Variants in FRA10AC1 observed in about 807,000 individuals in gnomAD.
FRA10AC1 encodes the protein protein FRA10AC1.
In FRA10AC1, 43 loss-of-function variants were observed where a neutral mutation model predicts 56.5. That is an observed-to-expected ratio of 0.76 (90% CI 0.60 to 0.98). The LOEUF is 0.98. FRA10AC1 is among the 50% of genes least tolerant of loss of function. The pLI is 0.00. For missense variants in FRA10AC1, 346 were observed against 351.8 expected, an observed-to-expected ratio of 0.98 and a Z score of 0.13; for synonymous variants, 112 against 110.5, an observed-to-expected ratio of 1.01 and a Z score of -0.09.
rs567316791 is a variant in FRA10AC1 at position 93,700,309 on chromosome 10, C to A, written c.1-203G>T. Among the ~76,000 whole-genome samples the A allele has an allele frequency of 5.3e-5, 8 of 152,270 alleles. No homozygotes were observed. In the South Asian group the frequency reaches 1.4e-3, roughly 28 times the overall value. Reference sequence around the variant, plus strand: ...ACATACCTTTCAGGAAATGCATCAACATTTTTCACCCTTAATTATCATTAG... The same window carrying A: ...ACATACCTTTCAGGAAATGCATCAAAATTTTTCACCCTTAATTATCATTAG... On this transcript the variant is annotated intron_variant, in intron 1 of 13. Transcript: ENST00000359204.
chr10:93,694,973 G>A lies in FRA10AC1; in HGVS notation c.220-36C>T, dbSNP rs778446075. ...AAAAATTAAGGATTTTATTCTCTTAGGAGCTGTTTGGTGTCATAATATATT... is the reference window on the plus strand; with the variant it reads ...AAAAATTAAGGATTTTATTCTCTTAAGAGCTGTTTGGTGTCATAATATATT... On this transcript the variant is annotated intron_variant, in intron 4 of 13. Transcript: ENST00000359204. 2.9e-5 allele frequency: 32 copies of A among 1,087,920 alleles called. No homozygotes were observed. In the Admixed American group the frequency reaches 4.6e-4, roughly 16 times the overall value. 67.4% of individuals were successfully genotyped at this position (1,087,920 alleles called of 1,614,324 possible). A position where few individuals can be genotyped will look rare whatever the true frequency, so the allele number is the denominator to read the frequency against.
chr10:93,696,836 C>T (rs1442146561), intron 4 of FRA10AC1, among the ~76,000 whole-genome samples: 1 of 152,180 alleles, frequency 6.6e-6, no homozygotes, highest in Non-Finnish European at 1.5e-5. Context: ...CCACCATCCT[C>T]AGCAAACTAA....
At chr10:93,696,740 G>A (rs1352107141) in intron 4 of FRA10AC1, among the ~76,000 whole-genome samples, 1 of 152,194 alleles carries the variant, frequency 6.6e-6, no homozygotes, top group Non-Finnish European at 1.5e-5. Flanking sequence ...TAAAGAAAAT[G>A]TGGTACATAT....
chr10:93,681,780 T>C (rs567824487), intron 10 of FRA10AC1, among the ~76,000 whole-genome samples, 182 bp from the exon 11 acceptor site: 1 of 152,228 alleles, frequency 6.6e-6, no homozygotes, highest in Admixed American at 6.5e-5. Flanking sequence ...TTAAAATCAT[T>C]CTATAAGATA....
intron 12 of FRA10AC1, chr10:93,675,686 A>C (rs1360682315): frequency 8.1e-6 from 3 of 369,682 alleles, no homozygotes; most frequent in South Asian, 1.9e-5. Flanking sequence ...ACCTGGGTGA[A>C]AGAGCATGAC....
At chr10:93,691,904 T>C in intron 7 of FRA10AC1, 105 bp downstream of exon 7, 1 of 1,237,866 alleles carries the variant, frequency 8.1e-7, no homozygotes, top group Non-Finnish European at 1.1e-6. Context: ...CAACTGAGTC[T>C]AGAATTAGCA....
chr10:93,668,177 G>A lies in FRA10AC1; in HGVS notation c.*1649C>T, dbSNP rs192451641. On this transcript the variant is annotated 3_prime_UTR_variant, in exon 14 of 14. Coordinates refer to ENST00000359204, the MANE Select transcript of FRA10AC1 (RefSeq NM_145246.5). Reference sequence around the variant, plus strand: ...TTTGCAGTTTATTGCCAATCATTCCGTGTTTAAATGTTATTTAAAATAGTA... The same window carrying A: ...TTTGCAGTTTATTGCCAATCATTCCATGTTTAAATGTTATTTAAAATAGTA... 9.1e-4 allele frequency: 139 copies of A among 152,212 alleles called. No individual in the cohort carries two copies. The highest frequency in any genetic ancestry group is 3.2e-3 in the African/African-American group (133 of 41,536). 9.4% of individuals were successfully genotyped at this position (152,212 alleles called of 1,614,324 possible).
Position 93,681,516 on chromosome 10 carries a change from A to C in FRA10AC1, c.751T>G (p.Ser251Ala). 1 of 1,579,472 alleles carries C rather than the reference A, an allele frequency of 6.3e-7. No homozygotes were observed. The highest frequency in any genetic ancestry group is 8.6e-7 in the Non-Finnish European group (1 of 1,168,036). Residue 251 changes from serine (S) to alanine (A), a missense_variant, in exon 11 of 14, where the codon TCT (serine) becomes GCT (alanine). Transcript: ENST00000359204. ...TTCTTGGAGGCCTCTTCTGCAGAAG[A>C]TAATCTGGATTTTTTATGTGATGAC... ...EESSHKKSRL[S>A]SAEEASKKKD...
At chr10:93,676,511 T>G in intron 12 of FRA10AC1, 142 bp downstream of exon 12, 1 of 1,302,942 alleles carries the variant, frequency 7.7e-7, no homozygotes, top group Non-Finnish European at 1.0e-6. Flanking sequence ...TTTTGGCCTT[T>G]TTTCTACAGT....
At chr10:93,693,299 C>T (rs1052821819) in intron 5 of FRA10AC1, among the ~76,000 whole-genome samples, 3 of 147,900 alleles carry the variant, frequency 2.0e-5, no homozygotes, top group Admixed American at 6.8e-5. Flanking sequence ...TGAGGTGGTA[C>T]TAAATTTTCT....
chr10:93,671,822 T>C (rs1005812374), intron 12 of FRA10AC1: 2 of 318,778 alleles, frequency 6.3e-6, no homozygotes, highest in Non-Finnish European at 1.2e-5. Flanking sequence ...ACTGATTATA[T>C]TACCTGTGGG....
chr10:93,699,589 G>A lies in FRA10AC1; in HGVS notation c.77+441C>T, dbSNP rs138551207. ...CCTTGAGTTTCTTCCCGTGACCTTAGTCTGCTCATTCACGTATGCGTAAGA... is the reference window on the plus strand; with the variant it reads ...CCTTGAGTTTCTTCCCGTGACCTTAATCTGCTCATTCACGTATGCGTAAGA... On this transcript the variant is annotated intron_variant, in intron 2 of 13. Transcript: ENST00000359204. Among the ~76,000 whole-genome samples, 208 of 152,256 alleles carry A rather than the reference G, an allele frequency of 1.4e-3. 1 individual carries two copies. Among genetic ancestry groups the A allele is most frequent in the Non-Finnish European group, 2.4e-3 (163 of 68,030 alleles).
At chr10:93,692,177 C>A in intron 6 of FRA10AC1, 84 bp from the exon 7 acceptor site, 1 of 901,918 alleles carries the variant, frequency 1.1e-6, no homozygotes, top group Non-Finnish European at 1.6e-6. Flanking sequence ...AGAATACATA[C>A]TACATAAATA....
chr10:93,687,424 T>A lies in FRA10AC1; in HGVS notation c.491A>T (p.Lys164Ile), dbSNP rs781719546. ...NKFGFRWRVE[K>I]EVISGKGQFF... ...ATTACCTTTTCCTGAAATTACTTCT[T>A]TTTCTACTCGCCACCTAAATCCAAA... Residue 164 changes from lysine (K) to isoleucine (I), a missense_variant, in exon 8 of 14, where the codon AAA becomes ATA. By Grantham distance (102) the Lys-to-Ile change is moderately radical. Transcript: ENST00000359204. The A allele has an allele frequency of 3.7e-5, 56 of 1,517,692 alleles. No individual in the cohort carries two copies. Among genetic ancestry groups the A allele is most frequent in the Non-Finnish European group, 4.7e-5 (53 of 1,117,490 alleles). 94.0% of individuals were successfully genotyped at this position (1,517,692 alleles called of 1,614,324 possible).
In FRA10AC1 at chr10:93,690,630, AAAC is replaced by A. The variant is rs985539799; in HGVS notation, c.465+1376_465+1378del. 5.3e-5 allele frequency among the ~76,000 whole-genome samples: 8 copies of A among 152,306 alleles called. No individual in the cohort carries two copies. The South Asian group carries it at 6.2e-4, about 12-fold the overall frequency. On this transcript the variant is annotated intron_variant, in intron 7 of 13. Transcript: ENST00000359204. The stretch of plus-strand genomic sequence containing the variant: ...GAAAAATAAATGAAAAAAAGAAAAA[AAAC>A]AACAACTTAAGAACAATCCATGAAT...
At chr10:93,692,498 A>G (rs879206291) in intron 6 of FRA10AC1, 148 bp downstream of exon 6, 15 of 570,448 alleles carry the variant, frequency 2.6e-5, no homozygotes, top group South Asian at 1.7e-4. Flanking sequence ...AATTACCAAA[A>G]GAACCAAATA....
At chr10:93,689,988 T>G (rs981273389) in intron 7 of FRA10AC1, among the ~76,000 whole-genome samples, 1 of 152,076 alleles carries the variant, frequency 6.6e-6, no homozygotes, top group South Asian at 2.1e-4. Context: ...AACTGATACA[T>G]TGATCCAACT....
intron 13 of FRA10AC1, 73 bp from the exon 14 acceptor site, chr10:93,669,941 A>C: frequency 2.7e-6 from 2 of 737,204 alleles, no homozygotes; most frequent in Non-Finnish European, 4.5e-6. Context: ...ATATGAGATT[A>C]ATAAAAATAA....
At chr10:93,686,530 A>T (rs2059030423) in intron 8 of FRA10AC1, among the ~76,000 whole-genome samples, 1 of 151,818 alleles carries the variant, frequency 6.6e-6, no homozygotes, top group African/African-American at 2.4e-5. Context: ...TAAAAACATA[A>T]ACTAAAATAT....
Sources: gnomAD v4.1 joint callset for allele counts (sites outside exome capture counted in the v4.1 genomes callset) on GRCh38, gnomAD v4.1.1 for gene constraint, MANE v1.5 for transcripts, NCBI Gene and HGNC (gene_info 2026-07-23, HGNC 2026-07-21) for gene names.